The following FAIM variants were observed in gnomAD, a reference collection of about 807,000 sequenced individuals.
FAIM encodes Fas apoptotic inhibitory molecule, also known as fas apoptotic inhibitory molecule 1.
Under a neutral mutation model 21.2 loss-of-function variants are expected in FAIM, and 14 were observed. The ratio of observed to expected loss-of-function variants is 0.66; its 90% confidence interval spans 0.44 to 1.03. The LOEUF (loss-of-function observed/expected upper bound fraction) is 1.03, where lower values mean the gene tolerates loss of function less well. Ranked by LOEUF, FAIM falls within the 50% of genes least tolerant of loss-of-function variation. The pLI is 0.00. For missense variants in FAIM, 222 were observed against 247.1 expected, an observed-to-expected ratio of 0.90 and a Z score of 0.68; for synonymous variants, 86 against 80.4, an observed-to-expected ratio of 1.07 and a Z score of -0.37.
intron 1 of FAIM, among the ~76,000 whole-genome samples, chr3:138,609,746 C>T (rs983528599): frequency 1.3e-5 from 2 of 151,684 alleles, no homozygotes; most frequent in African/African-American, 4.8e-5. Context: ...TGATGGTGAG[C>T]GTACAAGTGG....
rs1360719300 is a variant in FAIM, at chr3:138,621,114, C to G, written c.45-293C>G. ...TCCATGCACTATACTGTAGCCTAAC[C>G]TAGAATACTGACCAGGATAAACTGA... On this transcript the variant is annotated intron_variant, in intron 2 of 5. Transcript: ENST00000360570. 4 of 314,210 alleles carry G rather than the reference C, an allele frequency of 1.3e-5. No homozygotes were observed. In the Admixed American group the frequency reaches 1.5e-4, roughly 12 times the overall value. The allele number at this position is 314,210 out of a possible 1,614,324, so 19.5% of individuals were successfully genotyped here.
In FAIM at chr3:138,633,175, A is replaced by G. The variant is rs772190520; in HGVS notation, c.*96A>G. 2.6e-4 allele frequency: 287 copies of G among 1,096,318 alleles called. No homozygotes were observed. The highest frequency in any genetic ancestry group is 3.3e-4 in the Non-Finnish European group (269 of 819,694). 67.9% of individuals were successfully genotyped at this position (1,096,318 alleles called of 1,614,324 possible). A position where few individuals can be genotyped will look rare whatever the true frequency, so the allele number is the denominator to read the frequency against. On this transcript the variant is annotated 3_prime_UTR_variant, in exon 6 of 6. Transcript: ENST00000360570. ...TACTTATCAGTACATTTAGTCTGCAATGTTTTAATTTTTTAAAAAGTTACA... is the reference window on the plus strand; with the variant it reads ...TACTTATCAGTACATTTAGTCTGCAGTGTTTTAATTTTTTAAAAAGTTACA...
rs1285258999 is a variant in FAIM at position 138,609,533 on chromosome 3, A to ACACTCTCTCTCTCT, written c.-17+597_-17+598insACTCTCTCTCTCTC. On this transcript the variant is annotated intron_variant, in intron 1 of 5. Coordinates refer to ENST00000360570, the MANE Select transcript of FAIM (RefSeq NM_001033031.2). Reference sequence around the variant, plus strand: ...AGAACCTGCATCATAAAGTGCTGAAACTCTCTCTCTCTCTCTCTCTCTCTC... The same window carrying ACACTCTCTCTCTCT: ...AGAACCTGCATCATAAAGTGCTGAAACACTCTCTCTCTCTCTCTCTCTCTCTCTCTCTCTCTCTC... 1.5e-3 allele frequency among the ~76,000 whole-genome samples: 5 copies of ACACTCTCTCTCTCT among 3,368 alleles called. 1 individual carries two copies. The highest frequency in any genetic ancestry group is 4.5e-3 in the Admixed American group (1 of 222). The allele number at this position is 3,368 out of a possible 152,430, so 2.2% of individuals were successfully genotyped here.
intron 1 of FAIM, chr3:138,610,892 CAA>C: frequency 3.4e-6 from 5 of 1,466,192 alleles, no homozygotes; most frequent in Non-Finnish European, 4.8e-6. Flanking sequence ...CCACTTTCTC[CAA>C]AGTTTTAAAC....
intron 1 of FAIM, among the ~76,000 whole-genome samples, chr3:138,617,200 C>T (rs1433796761): frequency 1.3e-5 from 2 of 151,364 alleles, no homozygotes; most frequent in Non-Finnish European, 2.9e-5. Context: ...ATTTGGAATT[C>T]CTTATAATAG....
In FAIM at chr3:138,619,395, C is replaced by A. The variant is rs531256964; in HGVS notation, c.-16-316C>A. ...CCCAGAGGATCTCTTAGGTCTCTTG[C>A]AGCTCTGATATGCTATAACACTTGC... On this transcript the variant is annotated intron_variant, in intron 1 of 5. Coordinates refer to ENST00000360570, the MANE Select transcript of FAIM (RefSeq NM_001033031.2). Among the ~76,000 whole-genome samples the A allele has an allele frequency of 4.6e-5, 7 of 152,330 alleles. No individual in the cohort carries two copies. The South Asian group carries it at 1.4e-3, about 32-fold the overall frequency.
At chr3:138,619,096 G>A (rs2042857609) in intron 1 of FAIM, among the ~76,000 whole-genome samples, 1 of 152,236 alleles carries the variant, frequency 6.6e-6, no homozygotes. Flanking sequence ...ATGGGCTTAA[G>A]TAAGGGGATA....
At position 138,609,447 on chromosome 3, in the gene FAIM, A is replaced by G. The variant is rs542140934; in HGVS notation, c.-17+510A>G. ...CTCCCCAGAGACAAGCTGCGTTAACATGAGGGTGTATATTCTTCCAGATGG... is the reference window on the plus strand; with the variant it reads ...CTCCCCAGAGACAAGCTGCGTTAACGTGAGGGTGTATATTCTTCCAGATGG... On this transcript the variant is annotated intron_variant, in intron 1 of 5. Transcript: ENST00000360570. Among the ~76,000 whole-genome samples the G allele has an allele frequency of 6.6e-5, 10 of 151,334 alleles. No homozygotes were observed. The East Asian group carries it at 1.4e-3, about 21-fold the overall frequency.
intron 1 of FAIM, among the ~76,000 whole-genome samples, chr3:138,612,562 A>G (rs1044913346): frequency 6.6e-6 from 1 of 152,152 alleles, no homozygotes; most frequent in Admixed American, 6.5e-5. Context: ...AAGTGTATGT[A>G]CCGCGTTTTG....
chr3:138,632,100 C>T (rs773120336), intron 5 of FAIM, among the ~76,000 whole-genome samples: 16 of 151,354 alleles, frequency 1.1e-4, no homozygotes, highest in African/African-American at 2.7e-4. Context: ...CGCTACCTGG[C>T]GCTAATCTTT....
chr3:138,632,262 G>T, intron 5 of FAIM, among the ~76,000 whole-genome samples: 1 of 151,470 alleles, frequency 6.6e-6, no homozygotes, highest in South Asian at 2.1e-4. Flanking sequence ...ACCAAAAATA[G>T]TATTTAACAT....
rs1469619320 is a variant in FAIM, at chr3:138,633,307, T to TA, written c.*230dup. ...AAATGTTTTAAAGACAAATGGCAAA[T>TA]AAGATATGGACCAAAGTCACTAATG... On this transcript the variant is annotated 3_prime_UTR_variant, in exon 6 of 6. Coordinates refer to ENST00000360570, the MANE Select transcript of FAIM (RefSeq NM_001033031.2). 3 of 310,404 alleles carry TA rather than the reference T, an allele frequency of 9.7e-6. No homozygotes were observed. The highest frequency in any genetic ancestry group is 6.5e-5 in the African/African-American group (3 of 46,076). 19.2% of individuals were successfully genotyped at this position (310,404 alleles called of 1,614,324 possible). A position where few individuals can be genotyped will look rare whatever the true frequency, so the allele number is the denominator to read the frequency against.
intron 1 of FAIM, among the ~76,000 whole-genome samples, chr3:138,618,468 A>T (rs1464406695): frequency 6.6e-6 from 1 of 152,066 alleles, no homozygotes; most frequent in Non-Finnish European, 1.5e-5. Flanking sequence ...GGAGTTCGAG[A>T]CCAGCCTGAC....
chr3:138,633,226 A>G lies in FAIM; in HGVS notation c.*147A>G. 2 of 598,630 alleles carry G rather than the reference A, an allele frequency of 3.3e-6. No individual in the cohort carries two copies. Among genetic ancestry groups the G allele is most frequent in the South Asian group, 8.8e-5 (2 of 22,726 alleles). The allele number at this position is 598,630 out of a possible 1,614,324, so 37.1% of individuals were successfully genotyped here. On this transcript the variant is annotated 3_prime_UTR_variant, in exon 6 of 6. Coordinates refer to ENST00000360570, the MANE Select transcript of FAIM (RefSeq NM_001033031.2). ...TGAAACTAACATTCCAAGGGTCAGG[A>G]AAAAAACCAATTATGTATAGTCATA... is the stretch of plus-strand genomic sequence containing the variant.
chr3:138,630,011 G>A (rs570526092), intron 5 of FAIM: 1 of 152,338 alleles, frequency 6.6e-6, no homozygotes, highest in African/African-American at 2.4e-5. Flanking sequence ...CGAAATCACT[G>A]GGTGGTAATC....
chr3:138,621,528 G>A lies in FAIM; in HGVS notation c.166G>A (p.Val56Ile), dbSNP rs763953706. The A allele has an allele frequency of 6.2e-6, 10 of 1,612,458 alleles. No homozygotes were observed. The East Asian group carries it at 2.2e-4, about 36-fold the overall frequency. Residue 56 changes from valine to isoleucine, a missense_variant, in exon 3 of 6, where the codon GTA becomes ATA. Transcript: ENST00000360570. ...GTTSGKRVVY[V>I]DGKEEIRKEW... ...TACATCAGGCAAACGAGTAGTATAT[G>A]TAGATGGAAAGGTAGGAAGAAAATA...
At chr3:138,623,429 G>C (rs1369196613) in intron 4 of FAIM, among the ~76,000 whole-genome samples, 1 of 152,144 alleles carries the variant, frequency 6.6e-6, no homozygotes. Context: ...TGGTGTGCAT[G>C]AACATGGCTC....
In FAIM at chr3:138,621,636, T is replaced by TC. The variant is rs534893556; in HGVS notation, c.177+98dup. 5 of 1,091,692 alleles carry TC rather than the reference T, an allele frequency of 4.6e-6. No homozygotes were observed. In the South Asian group the frequency reaches 6.4e-5, roughly 14 times the overall value. 67.6% of individuals were successfully genotyped at this position (1,091,692 alleles called of 1,614,324 possible). A position where few individuals can be genotyped will look rare whatever the true frequency, so the allele number is the denominator to read the frequency against. On this transcript the variant is annotated intron_variant, in intron 3 of 5. Coordinates refer to ENST00000360570, the MANE Select transcript of FAIM (RefSeq NM_001033031.2). ...CATATGTGAATTCAGGGCTTTTTTT[T>TC]CTTGTAGTCATGTTTTTGATCTGTA...
intron 1 of FAIM, among the ~76,000 whole-genome samples, chr3:138,609,643 A>T (rs1462880311): frequency 1.8e-5 from 2 of 108,282 alleles, no homozygotes; most frequent in African/African-American, 4.1e-5. Flanking sequence ...CTCTCTCTCG[A>T]CTGTACATTC....
Sources: gnomAD v4.1 joint callset for allele counts (sites outside exome capture counted in the v4.1 genomes callset) on GRCh38, gnomAD v4.1.1 for gene constraint, MANE v1.5 for transcripts, NCBI Gene and HGNC (gene_info 2026-07-23, HGNC 2026-07-21) for gene names.